Variants in KCNIP4 observed in about 807,000 individuals in gnomAD.
KCNIP4 encodes potassium voltage-gated channel interacting protein 4.
KCNIP4 carries 12 observed loss-of-function variants against 34.0 expected under a neutral mutation model. The ratio of observed to expected loss-of-function variants is 0.35; its 90% CI spans 0.23 to 0.57. The LOEUF (loss-of-function observed/expected upper bound fraction) is 0.57, where lower values mean the gene tolerates loss of function less well. KCNIP4 is among the 20% of genes least tolerant of loss of function. The pLI is 0.83. For missense variants in KCNIP4, 238 were observed against 311.7 expected, an observed-to-expected ratio of 0.76 and a Z score of 1.78; for synonymous variants, 124 against 102.2, an observed-to-expected ratio of 1.21 and a Z score of -1.29.
chr4:21,705,639 G>A (rs1209945117), intron 1 of KCNIP4, among the ~76,000 whole-genome samples: 2 of 152,032 alleles, frequency 1.3e-5, no homozygotes, highest in African/African-American at 4.8e-5. Flanking sequence ...TGGAGGGAAG[G>A]GATGGCAGGG....
rs568152952 is a variant in KCNIP4, at chr4:20,953,772, C to T, written c.62-71063G>A. Among the ~76,000 whole-genome samples, 3 of 152,300 alleles carry T rather than the reference C, an allele frequency of 2.0e-5. No homozygotes were observed. The South Asian group carries it at 6.2e-4, about 32-fold the overall frequency. ...TCTCTGCATTTTGCAGATAAACATGCTCATTCTCACCTTATCAATATTCCC... is the reference window on the plus strand; with the variant it reads ...TCTCTGCATTTTGCAGATAAACATGTTCATTCTCACCTTATCAATATTCCC... On this transcript the variant is annotated intron_variant, in intron 1 of 8. Coordinates refer to ENST00000382152, the MANE Select transcript of KCNIP4 (RefSeq NM_025221.6).
intron 1 of KCNIP4, among the ~76,000 whole-genome samples, chr4:21,619,700 C>T (rs927514694): frequency 1.3e-5 from 2 of 152,162 alleles, no homozygotes; most frequent in Admixed American, 6.5e-5. Context: ...TTTCATTCAT[C>T]ATCTATTCAG....
At chr4:21,379,594 T>C (rs35912691) in intron 1 of KCNIP4, among the ~76,000 whole-genome samples, 39,814 of 152,094 alleles carry the variant, frequency 0.26, 5,410 homozygotes, top group Middle Eastern at 0.31. Context: ...CAAGTGATTA[T>C]AGAAAGATTT....
At position 21,746,371 on chromosome 4, in the gene KCNIP4, T is replaced by C. The variant is rs145911211; in HGVS notation, c.61+202200A>G. Among the ~76,000 whole-genome samples, 832 of 152,256 alleles carry C rather than the reference T, an allele frequency of 5.5e-3. 8 individuals carry two copies. Among genetic ancestry groups the C allele is most frequent in the African/African-American group, 0.019 (795 of 41,574 alleles). On this transcript the variant is annotated intron_variant, in intron 1 of 8. Transcript: ENST00000382152. Reference sequence around the variant, plus strand: ...TTGCTAATAAGTAAAGGAATGCTAATTGAAGGTAAAATATCATTATATTTT... The same window carrying C: ...TTGCTAATAAGTAAAGGAATGCTAACTGAAGGTAAAATATCATTATATTTT...
At chr4:21,561,492 A>T (rs1022845345) in intron 1 of KCNIP4, among the ~76,000 whole-genome samples, 1 of 151,948 alleles carries the variant, frequency 6.6e-6, no homozygotes, top group African/African-American at 2.4e-5. Context: ...TAACTCAGAA[A>T]TTTTTAATTA....
chr4:20,858,081 G>A (rs1284065487), intron 2 of KCNIP4, among the ~76,000 whole-genome samples: 1 of 151,370 alleles, frequency 6.6e-6, no homozygotes, highest in African/African-American at 2.4e-5. Flanking sequence ...TGTTGTGGTG[G>A]GTGCCTGTAA....
chr4:21,661,985 A>G (rs761436724), intron 1 of KCNIP4, among the ~76,000 whole-genome samples: 2 of 152,188 alleles, frequency 1.3e-5, no homozygotes, highest in African/African-American at 2.4e-5. Flanking sequence ...AAAGGGTGAC[A>G]CAATGCGACC....
chr4:21,584,324 T>C (rs1254831034), intron 1 of KCNIP4, among the ~76,000 whole-genome samples: 1 of 152,048 alleles, frequency 6.6e-6, no homozygotes, highest in Non-Finnish European at 1.5e-5. Flanking sequence ...GTAATCAGGT[T>C]TTAATTTTTT....
At chr4:21,759,854 G>A (rs959177651) in intron 1 of KCNIP4, among the ~76,000 whole-genome samples, 23 of 151,868 alleles carry the variant, frequency 1.5e-4, no homozygotes, top group Non-Finnish European at 7.4e-5. Context: ...CAGGAGGAAC[G>A]GAATTATAAC....
chr4:21,148,158 C>T (rs115399833), intron 1 of KCNIP4, among the ~76,000 whole-genome samples: 2,854 of 152,120 alleles, frequency 0.019, 54 homozygotes, highest in Non-Finnish European at 0.026. Flanking sequence ...ATGATTTTCG[C>T]TCAGTAGCTT....
intron 1 of KCNIP4, among the ~76,000 whole-genome samples, chr4:21,905,328 A>T (rs986979174): frequency 2.0e-5 from 3 of 151,972 alleles, no homozygotes; most frequent in Non-Finnish European, 4.4e-5. Flanking sequence ...GAATAGCTCA[A>T]CTCTGCATTG....
intron 1 of KCNIP4, among the ~76,000 whole-genome samples, chr4:21,482,726 T>C (rs1430017955): frequency 6.6e-6 from 1 of 152,128 alleles, no homozygotes; most frequent in Non-Finnish European, 1.5e-5. Flanking sequence ...CCGACCTTTC[T>C]CTCTGGCTAC....
At chr4:21,344,192 A>C (rs1349748866) in intron 1 of KCNIP4, among the ~76,000 whole-genome samples, 1 of 152,330 alleles carries the variant, frequency 6.6e-6, no homozygotes, top group Non-Finnish European at 1.5e-5. Context: ...CTATAGGACC[A>C]ACCTACAAAA....
intron 1 of KCNIP4, among the ~76,000 whole-genome samples, chr4:21,701,540 C>T (rs914233614): frequency 3.3e-5 from 5 of 151,846 alleles, no homozygotes; most frequent in Non-Finnish European, 5.9e-5. Flanking sequence ...TATTATTTGC[C>T]AATTAAAAAC....
At chr4:21,228,575 G>A (rs2109015991) in intron 1 of KCNIP4, among the ~76,000 whole-genome samples, 1 of 152,298 alleles carries the variant, frequency 6.6e-6, no homozygotes, top group East Asian at 1.9e-4. Flanking sequence ...ACACACATGA[G>A]TACACAGTTC....
At chr4:21,174,129 G>A (rs1196428566) in intron 1 of KCNIP4, among the ~76,000 whole-genome samples, 1 of 152,068 alleles carries the variant, frequency 6.6e-6, no homozygotes, top group African/African-American at 2.4e-5. Flanking sequence ...TCCAGACAAT[G>A]GATCCACTCA....
chr4:21,722,353 CA>C (rs1270595757), intron 1 of KCNIP4, among the ~76,000 whole-genome samples: 1 of 151,978 alleles, frequency 6.6e-6, no homozygotes, highest in Non-Finnish European at 1.5e-5. Flanking sequence ...AAAATGTGTT[CA>C]GGGTAGGCGT....
chr4:20,939,089 A>T (rs144141990), intron 1 of KCNIP4, among the ~76,000 whole-genome samples: 118 of 152,242 alleles, frequency 7.8e-4, no homozygotes, highest in African/African-American at 2.7e-3. Context: ...TGCATTAGAC[A>T]CTGTGGAAAT....
At chr4:20,968,212 C>CA (rs1403907487) in intron 1 of KCNIP4, among the ~76,000 whole-genome samples, 2 of 152,156 alleles carry the variant, frequency 1.3e-5, no homozygotes, top group African/African-American at 4.8e-5. Flanking sequence ...AAATGCAAAT[C>CA]AAAACCACAA....
Sources: allele counts gnomAD v4.1 joint callset (sites outside exome capture counted in the v4.1 genomes callset), GRCh38; gene constraint gnomAD v4.1.1; transcripts MANE v1.5; gene names NCBI Gene and HGNC (gene_info 2026-07-23, HGNC 2026-07-21).